Variants in LRRN4 observed in about 807,000 individuals in gnomAD.
LRRN4 encodes the protein leucine rich repeat neuronal 4, also known as leucine-rich repeat neuronal protein 4.
LRRN4 carries 26 observed loss-of-function variants against 22.3 expected under a neutral mutation model. The ratio of observed to expected loss-of-function variants is 1.16; its 90% CI spans 0.85 to 1.62. LRRN4 has a LOEUF of 1.62. LRRN4 is among the 40% of genes most tolerant of loss of function. The probability of loss-of-function intolerance (pLI) is 0.00; values close to 1 mark genes in which losing one functional copy is unlikely to be tolerated. For synonymous variants in LRRN4, 496 were observed against 486.2 expected, an observed-to-expected ratio of 1.02 and a Z score of -0.26; for missense variants, 1,070 against 1,008.5, an observed-to-expected ratio of 1.06 and a Z score of -0.83.
intron 2 of LRRN4, 77 bp from the exon 3 acceptor site, chr20:6,051,060 C>T: frequency 2.3e-6 from 3 of 1,282,874 alleles, no homozygotes; most frequent in Non-Finnish European, 2.2e-6. Flanking sequence ...GAAGGAAGAA[C>T]GAGAGTGGCA....
Position 6,041,194 on chromosome 20 carries a change from A to C in LRRN4, c.2051T>G (p.Leu684Arg). ...GCCGCTGGCGGCGCACAGCCCAGAG[A>C]GCAGGAGCGCGAAGCTGGGCTTGGT... ...FTTKPSFALL[L>R]SGLCAASGLL... Residue 684 changes from leucine (L) to arginine (R), a missense_variant, in exon 5 of 5, where the codon CTC becomes CGC. By Grantham distance (102) the Leu-to-Arg change is moderately radical. Coordinates refer to ENST00000378858, the MANE Select transcript of LRRN4 (RefSeq NM_152611.5). The surrounding 1 kb of genome is among the most constrained non-coding windows in gnomAD (Gnocchi z 9.4). 1.3e-6 allele frequency: 2 copies of C among 1,592,142 alleles called. No homozygotes were observed. Among genetic ancestry groups the C allele is most frequent in the Non-Finnish European group, 1.7e-6 (2 of 1,167,624 alleles).
chr20:6,052,452 C>CCAGCG lies in LRRN4; in HGVS notation c.343_347dup (p.Trp116CysfsTer32). The CCAGCG allele has an allele frequency of 6.4e-7, 1 of 1,556,186 alleles. No homozygotes were observed. Among genetic ancestry groups the CCAGCG allele is most frequent in the Non-Finnish European group, 8.6e-7 (1 of 1,159,860 alleles). ...GCAGCCCCGCCGGCCCACCCGGGCC[C>CCAGCG]CAGCGCAGCGCGGCGATGCGGTTGT... On this transcript the variant is annotated frameshift_variant, in exon 2 of 5. Coordinates refer to ENST00000378858, the MANE Select transcript of LRRN4 (RefSeq NM_152611.5). LOFTEE classifies it high-confidence loss of function.
intron 3 of LRRN4, 67 bp from the exon 4 acceptor site, chr20:6,044,747 A>C: frequency 7.2e-7 from 1 of 1,380,008 alleles, no homozygotes; most frequent in Non-Finnish European, 9.6e-7. Flanking sequence ...ATTCCCAGAG[A>C]GGCATGGTGT....
In LRRN4 at chr20:6,041,005, T is replaced by A; in HGVS notation, c.*17A>T. 6.2e-7 allele frequency: 1 copy of A among 1,609,534 alleles called. No homozygotes were observed. The highest frequency in any genetic ancestry group is 1.1e-5 in the South Asian group (1 of 90,950). On this transcript the variant is annotated 3_prime_UTR_variant, in exon 5 of 5. Transcript: ENST00000378858. This position sits in a 1 kb window ranked among gnomAD's most constrained non-coding sequence, Gnocchi z 9.4. ...CTCAGATCCAGTTCGATGAGACGCG[T>A]TATCCCAGAAGCTGGGCTAACTGAC...
At chr20:6,050,354 T>C (rs1159530054) in intron 3 of LRRN4, among the ~76,000 whole-genome samples, 1 of 152,228 alleles carries the variant, frequency 6.6e-6, no homozygotes, top group Non-Finnish European at 1.5e-5. Flanking sequence ...GCCCATAGAC[T>C]TCCAAGGGAT....
chr20:6,049,286 A>T (rs1600407562), intron 3 of LRRN4, among the ~76,000 whole-genome samples: 1 of 152,160 alleles, frequency 6.6e-6, no homozygotes, highest in South Asian at 2.1e-4. Context: ...AACACAGCAC[A>T]TGGCGTGTGT....
chr20:6,042,645 G>C (rs371286161), intron 4 of LRRN4, among the ~76,000 whole-genome samples: 76 of 152,282 alleles, frequency 5.0e-4, no homozygotes, highest in African/African-American at 1.8e-3. Flanking sequence ...ACTCGGGCCG[G>C]TGCGATGGCT....
chr20:6,051,870 G>A lies in LRRN4; in HGVS notation c.655+275C>T, dbSNP rs561297982. The stretch of plus-strand genomic sequence containing the variant: ...CTGGGTTCAGATTTGCTTAATGTGT[G>A]ACCAAGTTTCGCCTTTCTGTGCCAG... On this transcript the variant is annotated intron_variant, in intron 2 of 4. Coordinates refer to ENST00000378858, the MANE Select transcript of LRRN4 (RefSeq NM_152611.5). Among the ~76,000 whole-genome samples, 6 of 152,332 alleles carry A rather than the reference G, an allele frequency of 3.9e-5. No individual in the cohort carries two copies. The East Asian group carries it at 9.7e-4, about 25-fold the overall frequency.
intron 2 of LRRN4, among the ~76,000 whole-genome samples, chr20:6,051,422 G>T (rs1231706237): frequency 1.3e-5 from 2 of 152,214 alleles, no homozygotes; most frequent in African/African-American, 4.8e-5. Context: ...ACCTCATTTT[G>T]TGGCTCTCCT....
chr20:6,042,382 C>T (rs145141217), intron 4 of LRRN4, 136 bp from the exon 5 acceptor site: 6 of 932,298 alleles, frequency 6.4e-6, no homozygotes, highest in South Asian at 1.7e-5. Flanking sequence ...AGGGCACACA[C>T]GCCGCACACA....
At chr20:6,050,752 A>G (rs1464139733) in intron 3 of LRRN4, 27 bp downstream of exon 3, 1 of 1,604,064 alleles carries the variant, frequency 6.2e-7, no homozygotes, top group African/African-American at 1.3e-5. Flanking sequence ...CAGTCATGTG[A>G]TGAAGATGTG....
chr20:6,042,783 G>A (rs1981001278), intron 4 of LRRN4, among the ~76,000 whole-genome samples: 1 of 152,060 alleles, frequency 6.6e-6, no homozygotes, highest in Admixed American at 6.5e-5. Flanking sequence ...GCCGGGCATG[G>A]TGGCGGGTGC....
Position 6,052,190 on chromosome 20 carries a change from C to A in LRRN4, c.610G>T (p.Val204Phe), listed in dbSNP as rs1223197232. 1.9e-6 allele frequency: 3 copies of A among 1,597,352 alleles called. No homozygotes were observed. The highest frequency in any genetic ancestry group is 2.7e-5 in the African/African-American group (2 of 74,548). Reference sequence around the variant, plus strand: ...CTGAGATCCAGGACTTCGAGCGTGACCAGGGGCGCGCCATCCTCTCCAGCG... The same window carrying A: ...CTGAGATCCAGGACTTCGAGCGTGAACAGGGGCGCGCCATCCTCTCCAGCG... Reference protein sequence around the residue: ...AFAGEDGAPLVTLEVLDLSGT... With the variant: ...AFAGEDGAPLFTLEVLDLSGT... Residue 204 changes from valine to phenylalanine, a missense_variant, in exon 2 of 5, where the codon GTC becomes TTC. Val to Phe is a conservative substitution (Grantham distance 50). Coordinates refer to ENST00000378858, the MANE Select transcript of LRRN4 (RefSeq NM_152611.5).
chr20:6,044,943 A>G (rs1340944298), intron 3 of LRRN4, among the ~76,000 whole-genome samples: 4 of 152,174 alleles, frequency 2.6e-5, no homozygotes, highest in Non-Finnish European at 4.4e-5. Flanking sequence ...AACTGGAGAC[A>G]TAGCTAGAAT....
In LRRN4 at chr20:6,050,901, C is replaced by T; in HGVS notation, c.738G>A (p.Gly246=). 1 of 1,614,074 alleles carries T rather than the reference C, an allele frequency of 6.2e-7. No individual in the cohort carries two copies. Among genetic ancestry groups the T allele is most frequent in the Non-Finnish European group, 8.5e-7 (1 of 1,180,030 alleles). Residue 246 remains glycine, a synonymous_variant, in exon 3 of 5, where the codon GGG becomes GGA. Coordinates refer to ENST00000378858, the MANE Select transcript of LRRN4 (RefSeq NM_152611.5). ...GGTTGGGGGTCATCTTGAAAATGTC[C>T]CCCTCCAGGGTCGTCAGCCGAGGCA... ...RKMPRLTTLE[G]DIFKMTPNLQ...
intron 3 of LRRN4, 130 bp from the exon 4 acceptor site, chr20:6,044,810 G>T (rs1162754731): frequency 3.9e-6 from 3 of 771,106 alleles, no homozygotes; most frequent in East Asian, 3.4e-5. Flanking sequence ...GGAGAATACC[G>T]CTTTGGGCAA....
Position 6,042,210 on chromosome 20 carries a change from G to A in LRRN4, c.1035C>T (p.Ser345=), listed in dbSNP as rs764811357. 6.2e-7 allele frequency: 1 copy of A among 1,613,572 alleles called. No homozygotes were observed. Among genetic ancestry groups the A allele is most frequent in the Non-Finnish European group, 8.5e-7 (1 of 1,179,840 alleles). Residue 345 remains serine (S), a synonymous_variant, in exon 5 of 5, where the codon TCC becomes TCT. Coordinates refer to ENST00000378858, the MANE Select transcript of LRRN4 (RefSeq NM_152611.5). ...ADTMCAPAAG[S]SGPFSASLSL... is the part of the protein sequence containing the mutation. Reference sequence around the variant, plus strand: ...ACAGGGAGGCTGAGAAGGGGCCGCTGGATCCCGCAGCTGGCGCGCACATAG... The same window carrying A: ...ACAGGGAGGCTGAGAAGGGGCCGCTAGATCCCGCAGCTGGCGCGCACATAG...
chr20:6,045,534 C>T (rs1234658662), intron 3 of LRRN4, among the ~76,000 whole-genome samples: 1 of 149,010 alleles, frequency 6.7e-6, no homozygotes, highest in Non-Finnish European at 1.5e-5. Context: ...CAAATCTCCA[C>T]ATACAAATAG....
intron 4 of LRRN4, among the ~76,000 whole-genome samples, chr20:6,043,751 TA>T (rs879586243): frequency 5.3e-5 from 8 of 151,098 alleles, no homozygotes; most frequent in South Asian, 2.1e-4. Context: ...ACAAAAAGAT[TA>T]AAAAAAAATT....
Sources: gnomAD v4.1 joint callset for allele counts (sites outside exome capture counted in the v4.1 genomes callset) on GRCh38, gnomAD v4.1.1 for gene constraint, Gnocchi (gnomAD v3.1) non-coding constraint, MANE v1.5 for transcripts, NCBI Gene and HGNC (gene_info 2026-07-23, HGNC 2026-07-21) for gene names.